The following STK39 variants were observed in gnomAD, a reference collection of about 807,000 sequenced individuals.
STK39 encodes the protein STE20/SPS1-related proline-alanine-rich protein kinase.
STK39 carries 20 observed loss-of-function variants against 77.8 expected under a neutral mutation model. The observed-to-expected ratio is 0.26, with a 90% confidence interval of 0.18 to 0.37. The LOEUF is 0.37. STK39 is among the 10% of genes least tolerant of loss of function. STK39 has a pLI of 1.00. For missense variants in STK39, 479 were observed against 656.5 expected, an observed-to-expected ratio of 0.73 and a Z score of 2.95; for synonymous variants, 246 against 234.1, an observed-to-expected ratio of 1.05 and a Z score of -0.47.
chr2:168,044,490 A>C (rs1685188562), intron 14 of STK39, among the ~76,000 whole-genome samples: 1 of 152,216 alleles, frequency 6.6e-6, no homozygotes, highest in Non-Finnish European at 1.5e-5. Context: ...AAGCTTGATA[A>C]AATACTGAAA....
intron 14 of STK39, among the ~76,000 whole-genome samples, chr2:168,023,222 T>A (rs1574400528): frequency 6.6e-6 from 1 of 151,680 alleles, no homozygotes; most frequent in East Asian, 1.9e-4. Context: ...AGCCTGACTT[T>A]AAAAAAATGT....
intron 1 of STK39, among the ~76,000 whole-genome samples, chr2:168,230,920 C>T (rs924499973): frequency 3.3e-5 from 5 of 152,134 alleles, no homozygotes; most frequent in East Asian, 1.9e-4. Context: ...GTCTTTGCTT[C>T]GGAATGAGCC....
chr2:168,163,232 AAAG>A (rs978658228), intron 4 of STK39, among the ~76,000 whole-genome samples: 4 of 152,172 alleles, frequency 2.6e-5, no homozygotes, highest in Non-Finnish European at 5.9e-5. Flanking sequence ...TTATGTCACA[AAAG>A]AAGATGAGTA....
At chr2:168,232,884 C>T (rs1357922888) in intron 1 of STK39, among the ~76,000 whole-genome samples, 1 of 151,356 alleles carries the variant, frequency 6.6e-6, no homozygotes, top group African/African-American at 2.4e-5. Context: ...TGCACTCCAG[C>T]CTGGGCGACA....
At chr2:168,021,905 C>T (rs997511725) in intron 14 of STK39, among the ~76,000 whole-genome samples, 5 of 152,010 alleles carry the variant, frequency 3.3e-5, no homozygotes, top group African/African-American at 1.2e-4. Flanking sequence ...TACCTGGTTG[C>T]CCTTCCAGGG....
chr2:168,159,155 G>A (rs971429433), intron 5 of STK39, among the ~76,000 whole-genome samples: 1 of 152,044 alleles, frequency 6.6e-6, no homozygotes, highest in South Asian at 2.1e-4. Flanking sequence ...CTCAAGGTGG[G>A]CAATGTATAT....
chr2:168,181,440 T>G (rs572822813), intron 2 of STK39, among the ~76,000 whole-genome samples: 1 of 152,348 alleles, frequency 6.6e-6, no homozygotes, highest in East Asian at 1.9e-4. Flanking sequence ...AGTACTCATT[T>G]AGAATAAGAA....
chr2:168,177,668 T>C (rs1341372535), intron 2 of STK39, among the ~76,000 whole-genome samples: 1 of 152,148 alleles, frequency 6.6e-6, no homozygotes, highest in Non-Finnish European at 1.5e-5. Context: ...CGATGGATTT[T>C]AAGGGAAGTC....
At chr2:168,225,701 T>C (rs1690286629) in intron 1 of STK39, among the ~76,000 whole-genome samples, 1 of 152,180 alleles carries the variant, frequency 6.6e-6, no homozygotes. Context: ...ACAAAGAAAG[T>C]ACATTAGATC....
rs888814311 is a variant in STK39 at position 167,998,005 on chromosome 2, T to C, written c.1498+14629A>G. Among the ~76,000 whole-genome samples the C allele has an allele frequency of 3.3e-5, 5 of 152,370 alleles. No individual in the cohort carries two copies. In the East Asian group the frequency reaches 5.8e-4, roughly 18 times the overall value. On this transcript the variant is annotated intron_variant, in intron 16 of 17. Transcript: ENST00000355999. ...CTATACAGTGCTGTATAATAATTTC[T>C]ATGTCATTCTATGTTTTTGTTACCT...
intron 10 of STK39, among the ~76,000 whole-genome samples, chr2:168,114,975 CG>C (rs1687221313): frequency 6.6e-6 from 1 of 152,162 alleles, no homozygotes; most frequent in Non-Finnish European, 1.5e-5. Flanking sequence ...GGCTTCAATA[CG>C]TTTTACTACC....
chr2:168,094,015 T>C (rs1686595448), intron 10 of STK39, among the ~76,000 whole-genome samples: 1 of 152,178 alleles, frequency 6.6e-6, no homozygotes, highest in Non-Finnish European at 1.5e-5. Context: ...TCCTTGCCTC[T>C]AGGGAAGGAA....
At chr2:168,196,975 T>C (rs1689486558) in intron 1 of STK39, among the ~76,000 whole-genome samples, 1 of 152,046 alleles carries the variant, frequency 6.6e-6, no homozygotes. Context: ...AAGAGTCCTG[T>C]AGACCAAGGT....
chr2:168,049,910 C>T (rs1057380867), intron 14 of STK39, among the ~76,000 whole-genome samples: 1 of 152,124 alleles, frequency 6.6e-6, no homozygotes, highest in Non-Finnish European at 1.5e-5. Context: ...AACTGGGTGT[C>T]CGATTCTAAA....
In STK39 at chr2:168,021,943, A is replaced by G. The variant is rs1574399656; in HGVS notation, c.1377-4848T>C. Among the ~76,000 whole-genome samples, 9 of 152,294 alleles carry G rather than the reference A, an allele frequency of 5.9e-5. No homozygotes were observed. In the South Asian group the frequency reaches 1.9e-3, roughly 32 times the overall value. On this transcript the variant is annotated intron_variant, in intron 14 of 17. Transcript: ENST00000355999. ...AATCAGTGTTTTATGAATTTGGTGC[A>G]TACTTCTTGAGATGTTTTATGCATG...
At chr2:168,224,745 G>A (rs1219096787) in intron 1 of STK39, among the ~76,000 whole-genome samples, 1 of 152,118 alleles carries the variant, frequency 6.6e-6, no homozygotes, top group African/African-American at 2.4e-5. Flanking sequence ...AGATTAAAAC[G>A]CAGATTCAAG....
intron 5 of STK39, among the ~76,000 whole-genome samples, chr2:168,157,733 T>C (rs1688471222): frequency 1.3e-5 from 2 of 152,090 alleles, no homozygotes; most frequent in South Asian, 2.1e-4. Context: ...CATTGGTAAT[T>C]AGGGTTCAAC....
chr2:168,181,108 T>G (rs184418466), intron 2 of STK39, among the ~76,000 whole-genome samples: 2 of 152,250 alleles, frequency 1.3e-5, no homozygotes, highest in African/African-American at 4.8e-5. Context: ...CATTATACTT[T>G]GTAGCTTGTA....
At position 168,235,381 on chromosome 2, in the gene STK39, A is replaced by G. The variant is rs114067704; in HGVS notation, c.208+11847T>C. On this transcript the variant is annotated intron_variant, in intron 1 of 17. Transcript: ENST00000355999. The stretch of plus-strand genomic sequence containing the variant: ...TTCTAACATCTGCCTTTCCACCAAC[A>G]AGGAAACAATGTGATATAAGTGGAA... Among the ~76,000 whole-genome samples, 540 of 152,048 alleles carry G rather than the reference A, an allele frequency of 3.6e-3. 2 individuals are homozygous for G. Among genetic ancestry groups the G allele is most frequent in the African/African-American group, 0.013 (519 of 41,468 alleles).
Sources: gnomAD v4.1 joint callset for allele counts (sites outside exome capture counted in the v4.1 genomes callset) on GRCh38, gnomAD v4.1.1 for gene constraint, MANE v1.5 for transcripts, NCBI Gene and HGNC (gene_info 2026-07-23, HGNC 2026-07-21) for gene names.